The following ZFP64 variants were observed in gnomAD, a reference collection of about 807,000 sequenced individuals.
ZFP64 encodes the protein ZFP64 zinc finger protein.
Under a neutral mutation model 51.6 loss-of-function variants are expected in ZFP64, and 14 were observed. The observed-to-expected ratio is 0.27, with a 90% CI of 0.18 to 0.42. The LOEUF (loss-of-function observed/expected upper bound fraction) is 0.42. ZFP64 is among the 10% of genes least tolerant of loss of function. The pLI is 1.00. For synonymous variants in ZFP64, 375 were observed against 361.4 expected, an observed-to-expected ratio of 1.04 and a Z score of -0.43; for missense variants, 754 against 906.8, an observed-to-expected ratio of 0.83 and a Z score of 2.16.
At chr20:52,186,592 CTTTT>C (rs972613775) in intron 2 of ZFP64, among the ~76,000 whole-genome samples, 4 of 150,400 alleles carry the variant, frequency 2.7e-5, no homozygotes, top group African/African-American at 9.8e-5. Context: ...TCAGAAATCT[CTTTT>C]TTGTCTGTTT....
At chr20:52,176,605 G>T (rs2123092332) in intron 2 of ZFP64, among the ~76,000 whole-genome samples, 1 of 151,124 alleles carries the variant, frequency 6.6e-6, no homozygotes, top group East Asian at 1.9e-4. Context: ...CGCTTCCCGG[G>T]TTCACGCCAT....
intron 5 of ZFP64, chr20:52,110,248 C>T: frequency 3.4e-6 from 1 of 290,964 alleles, no homozygotes; most frequent in Non-Finnish European, 6.3e-6. Context: ...CCACTTTTCC[C>T]ACCAACCCCT....
intron 5 of ZFP64, among the ~76,000 whole-genome samples, chr20:52,142,380 A>ACACACACACACGCGCG (rs1555804629): frequency 4.9e-5 from 4 of 81,482 alleles, no homozygotes; most frequent in African/African-American, 1.6e-4. Flanking sequence ...ACACACAGAC[A>ACACACACACACGCGCG]CACACACACA....
chr20:52,115,193 G>T (rs1232058964), intron 5 of ZFP64, among the ~76,000 whole-genome samples: 2 of 74,000 alleles, frequency 2.7e-5, no homozygotes, highest in African/African-American at 4.5e-5. Flanking sequence ...AACAGAGTGA[G>T]TCTCAAAAAA....
At chr20:52,163,118 T>C (rs1031795974) in intron 4 of ZFP64, among the ~76,000 whole-genome samples, 5 of 152,180 alleles carry the variant, frequency 3.3e-5, no homozygotes, top group African/African-American at 1.2e-4. Flanking sequence ...CCCAGCACTT[T>C]GGGAGGCCAA....
At chr20:52,169,399 C>A (rs1465516946) in intron 2 of ZFP64, among the ~76,000 whole-genome samples, 1 of 152,190 alleles carries the variant, frequency 6.6e-6, no homozygotes, top group African/African-American at 2.4e-5. Flanking sequence ...GGCCTCCCAA[C>A]CTTCTGCTCT....
At chr20:52,088,287 C>T in intron 8 of ZFP64, 2 of 1,515,476 alleles carry the variant, frequency 1.3e-6, no homozygotes, top group Non-Finnish European at 1.8e-6. Flanking sequence ...AATTCTTGTA[C>T]TTCTACCACA....
Position 52,160,406 on chromosome 20 carries a change from G to A in ZFP64, c.512-32C>T. ...ACACATACACACACAGATGGCAGCA[G>A]GAAACAAGATTAAAAAAGGAAAAGG... On this transcript the variant is annotated intron_variant, in intron 4 of 5. Transcript: ENST00000216923. The surrounding 1 kb of genome is among the most constrained non-coding windows in gnomAD (Gnocchi z 4.2). 6.4e-7 allele frequency: 1 copy of A among 1,567,634 alleles called. No homozygotes were observed. Among genetic ancestry groups the A allele is most frequent in the Non-Finnish European group, 8.6e-7 (1 of 1,156,728 alleles).
rs1555802531 is a variant in ZFP64, at chr20:52,119,533, A to ATAT, written c.764-20947_764-20946insATA. On this transcript the variant is annotated intron_variant, in intron 5 of 8. Coordinates refer to the ZFP64 transcript ENST00000361387. ...TGAGACTTCATCTAAAAAAAAAAAA[A>ATAT]ATATATATATATATATATATACATA... Among the ~76,000 whole-genome samples the ATAT allele has an allele frequency of 5.6e-3, 500 of 89,768 alleles. 5 individuals carry two copies. Among genetic ancestry groups the ATAT allele is most frequent in the East Asian group, 0.015 (53 of 3,626 alleles). The allele number at this position is 89,768 out of a possible 152,430, so 58.9% of individuals were successfully genotyped here. A position where few individuals can be genotyped will look rare whatever the true frequency, so the allele number is the denominator to read the frequency against.
At chr20:52,104,618 G>A (rs749929695) in intron 5 of ZFP64, 12 of 457,320 alleles carry the variant, frequency 2.6e-5, no homozygotes, top group South Asian at 1.9e-4. Context: ...CTGCGCTTCT[G>A]TTCCCTCGGC....
chr20:52,191,485 T>G lies in ZFP64; in HGVS notation c.46+106A>C. The G allele has an allele frequency of 2.3e-6, 3 of 1,312,898 alleles. No homozygotes were observed. Among genetic ancestry groups the G allele is most frequent in the East Asian group, 3.1e-5 (1 of 31,946 alleles). The allele number at this position is 1,312,898 out of a possible 1,614,324, so 81.3% of individuals were successfully genotyped here. ...ACGCGGCTCCGAGCCGTCACCCCGA[T>G]TTCGGGGCCCCGGGCCTGCTGGCTG... is the stretch of plus-strand genomic sequence containing the variant. On this transcript the variant is annotated intron_variant, in intron 1 of 5. Transcript: ENST00000216923. This position sits in a 1 kb window ranked among gnomAD's most constrained non-coding sequence, Gnocchi z 4.3.
chr20:52,183,962 T>C (rs529346715), intron 2 of ZFP64, among the ~76,000 whole-genome samples: 41 of 152,296 alleles, frequency 2.7e-4, no homozygotes, highest in African/African-American at 9.1e-4. Context: ...GAGATTCTCG[T>C]GCCTTGGCCT....
At chr20:52,128,145 C>T (rs1197020757) in intron 5 of ZFP64, among the ~76,000 whole-genome samples, 3 of 152,198 alleles carry the variant, frequency 2.0e-5, no homozygotes, top group Non-Finnish European at 4.4e-5. Flanking sequence ...ACATTGAAAG[C>T]CCCTGTTCCT....
At chr20:52,125,867 A>G (rs1349366073) in intron 5 of ZFP64, among the ~76,000 whole-genome samples, 1 of 152,112 alleles carries the variant, frequency 6.6e-6, no homozygotes, top group Non-Finnish European at 1.5e-5. Context: ...CGAGGTACTT[A>G]ACAACTTAAC....
At chr20:52,164,553 C>T (rs1982081891) in intron 4 of ZFP64, 142 bp downstream of exon 4, 5 of 736,512 alleles carry the variant, frequency 6.8e-6, no homozygotes, top group Non-Finnish European at 1.2e-5. Context: ...CAAATGGCAC[C>T]TTATTTTTTA....
downstream of ZFP64, among the ~76,000 whole-genome samples, chr20:52,150,830 C>T (rs1980757372): frequency 6.6e-6 from 1 of 152,146 alleles, no homozygotes; most frequent in Non-Finnish European, 1.5e-5. Context: ...TTCTAGCTTG[C>T]TCTCTGGCAC....
chr20:52,138,183 G>A (rs1415180596), intron 5 of ZFP64, among the ~76,000 whole-genome samples: 1 of 151,882 alleles, frequency 6.6e-6, no homozygotes, highest in African/African-American at 2.4e-5. Flanking sequence ...CTTTAGCCTG[G>A]GAGACAGAGA....
chr20:52,094,842 T>G (rs1266061516), intron 7 of ZFP64, among the ~76,000 whole-genome samples: 1 of 152,212 alleles, frequency 6.6e-6, no homozygotes, highest in Non-Finnish European at 1.5e-5. Context: ...CCTAGCTTTC[T>G]GAGCTTGGTT....
At chr20:52,142,476 A>T (rs185431609) in intron 5 of ZFP64, among the ~76,000 whole-genome samples, 243 of 151,910 alleles carry the variant, frequency 1.6e-3, no homozygotes, top group Admixed American at 2.3e-3. Context: ...AAAAGCCCAG[A>T]TTTCACCTCT....
Sources: gnomAD v4.1 joint callset for allele counts (sites outside exome capture counted in the v4.1 genomes callset) on GRCh38, gnomAD v4.1.1 for gene constraint, Gnocchi (gnomAD v3.1) non-coding constraint, MANE v1.5 for transcripts, NCBI Gene and HGNC (gene_info 2026-07-23, HGNC 2026-07-21) for gene names.